Variants in FBLN1 observed in about 807,000 individuals in gnomAD.
FBLN1 encodes fibulin-1.
A neutral mutation model predicts 89.7 loss-of-function variants in FBLN1; 34 were observed. That is an observed-to-expected ratio of 0.38 (90% CI 0.29 to 0.50). The LOEUF (loss-of-function observed/expected upper bound fraction) is 0.50, where lower values mean the gene tolerates loss of function less well. Among genes scored for constraint, FBLN1 ranks in the 20% least tolerant of loss-of-function variants. The probability of loss-of-function intolerance (pLI) is 0.92; values close to 1 mark genes in which losing one functional copy is unlikely to be tolerated. For missense variants in FBLN1, 777 were observed against 988.1 expected (o/e 0.79, Z 2.86); for synonymous variants, 393 against 391.3 (o/e 1.00, Z -0.05).
intron 4 of FBLN1, 54 bp downstream of exon 4, chr22:45,528,063 G>T: frequency 1.9e-6 from 3 of 1,586,692 alleles, no homozygotes; most frequent in Non-Finnish European, 2.6e-6. Flanking sequence ...TCTCCGGGAT[G>T]TGTATATAGA....
At chr22:45,555,968 A>G (rs1223768848) in intron 14 of FBLN1, among the ~76,000 whole-genome samples, 3 of 152,334 alleles carry the variant, frequency 2.0e-5, no homozygotes, top group East Asian at 3.9e-4. Flanking sequence ...GTACAAGTGT[A>G]TACATGCACA....
Position 45,574,416 on chromosome 22 carries a change from C to A in FBLN1, c.1698-95C>A. On this transcript the variant is annotated intron_variant, in intron 14 of 16. Transcript: ENST00000327858. This position sits in a 1 kb window ranked among gnomAD's most constrained non-coding sequence, Gnocchi z 4.1. ...GCTGTCTCTGGGACAGATGCCCCTG[C>A]CCTGGCCACCTGCTCCTCCTCCCTA... 1 of 1,370,474 alleles carries A rather than the reference C, an allele frequency of 7.3e-7. No individual in the cohort carries two copies. The highest frequency in any genetic ancestry group is 1.0e-6 in the Non-Finnish European group (1 of 972,474). 84.9% of individuals were successfully genotyped at this position (1,370,474 alleles called of 1,614,324 possible). A position where few individuals can be genotyped will look rare whatever the true frequency, so the allele number is the denominator to read the frequency against.
In FBLN1 at chr22:45,580,106, C is replaced by T. The variant is rs1161730522; in HGVS notation, c.1972+2998C>T. ...AAAGGAGGGAGCTGAGTTAAATGAC[C>T]GCCTGAGACTGTGCAACTGAAAAAC... On this transcript the variant is annotated intron_variant, in intron 16 of 16. Coordinates refer to ENST00000327858, the MANE Select transcript of FBLN1 (RefSeq NM_006486.3). This position sits in a 1 kb window ranked among gnomAD's most constrained non-coding sequence, Gnocchi z 8.6. 6.6e-6 allele frequency among the ~76,000 whole-genome samples: 1 copy of T among 152,120 alleles called. No individual in the cohort carries two copies. The highest frequency in any genetic ancestry group is 1.5e-5 in the Non-Finnish European group (1 of 68,030).
In FBLN1 at chr22:45,532,137, A is replaced by G. The variant is rs977636208; in HGVS notation, c.544+813A>G. On this transcript the variant is annotated intron_variant, in intron 5 of 16. Coordinates refer to ENST00000327858, the MANE Select transcript of FBLN1 (RefSeq NM_006486.3). This position sits in a 1 kb window ranked among gnomAD's most constrained non-coding sequence, Gnocchi z 4.2. Reference sequence around the variant, plus strand: ...AGGGTGTTAATTAGGGGCCAGTTTAATTCTTAAATGATGCAGTCAGTGTAC... The same window carrying G: ...AGGGTGTTAATTAGGGGCCAGTTTAGTTCTTAAATGATGCAGTCAGTGTAC... 6.6e-5 allele frequency among the ~76,000 whole-genome samples: 10 copies of G among 152,102 alleles called. No homozygotes were observed. Among genetic ancestry groups the G allele is most frequent in the Admixed American group, 3.3e-4 (5 of 15,278 alleles).
rs762930458 is a variant in FBLN1 at position 45,574,505 on chromosome 22, C to T, written c.1698-6C>T. The T allele has an allele frequency of 2.9e-5, 47 of 1,614,108 alleles. 1 individual carries two copies. The highest frequency in any genetic ancestry group is 3.8e-5 in the Non-Finnish European group (45 of 1,180,026). ...CGTCAGCCTCGTGTGCTGTGGTTCCCCTCAGGCTCCAGCAGGAGAAGACAG... is the reference window on the plus strand; with the variant it reads ...CGTCAGCCTCGTGTGCTGTGGTTCCTCTCAGGCTCCAGCAGGAGAAGACAG... On this transcript the variant is annotated splice_polypyrimidine_tract_variant and splice_region_variant and intron_variant, in intron 14 of 16. Coordinates refer to ENST00000327858, the MANE Select transcript of FBLN1 (RefSeq NM_006486.3). The surrounding 1 kb of genome is among the most constrained non-coding windows in gnomAD (Gnocchi z 4.1).
At position 45,577,216 on chromosome 22, in the gene FBLN1, C is replaced by T; in HGVS notation, c.1972+108C>T. On this transcript the variant is annotated intron_variant, in intron 16 of 16. Transcript: ENST00000327858. This position sits in a 1 kb window ranked among gnomAD's most constrained non-coding sequence, Gnocchi z 6.6. ...TCTGAGTCCCCTCCCCAAATTCAAG[C>T]CCACCCAACCTTCAGGGCCCAGCGC... 3 of 1,306,888 alleles carry T rather than the reference C, an allele frequency of 2.3e-6. No homozygotes were observed. Among genetic ancestry groups the T allele is most frequent in the Non-Finnish European group, 3.2e-6 (3 of 925,344 alleles). The allele number at this position is 1,306,888 out of a possible 1,614,324, so 81.0% of individuals were successfully genotyped here. A position where few individuals can be genotyped will look rare whatever the true frequency, so the allele number is the denominator to read the frequency against.
intron 1 of FBLN1, among the ~76,000 whole-genome samples, chr22:45,510,654 C>A (rs1276157915): frequency 6.6e-6 from 1 of 152,104 alleles, no homozygotes; most frequent in Admixed American, 6.5e-5. Flanking sequence ...AAGCTTCCAC[C>A]CAAGGAGTGG....
chr22:45,591,646 G>A (rs529683693), intron 16 of FBLN1, among the ~76,000 whole-genome samples: 10 of 152,262 alleles, frequency 6.6e-5, no homozygotes, highest in African/African-American at 1.9e-4. Context: ...TCTCAGCCAA[G>A]CAGAGAAGAC....
chr22:45,598,908 C>A (rs772101632), intron 16 of FBLN1, among the ~76,000 whole-genome samples: 10 of 152,234 alleles, frequency 6.6e-5, no homozygotes, highest in Non-Finnish European at 1.3e-4. Flanking sequence ...GGGCCTCAGC[C>A]TCTCCGCAGT....
Position 45,530,565 on chromosome 22 carries a change from A to T in FBLN1, c.485-700A>T, listed in dbSNP as rs1307794266. Among the ~76,000 whole-genome samples the T allele has an allele frequency of 6.6e-6, 1 of 152,172 alleles. No individual in the cohort carries two copies. The highest frequency in any genetic ancestry group is 1.9e-4 in the East Asian group (1 of 5,186). On this transcript the variant is annotated intron_variant, in intron 4 of 16. Transcript: ENST00000327858. The surrounding 1 kb of genome is among the most constrained non-coding windows in gnomAD (Gnocchi z 5.4). ...ATGGAGAATAACCCTTTTCAAACACATAATAGCATTTGATAGAATCAATCA... is the reference window on the plus strand; with the variant it reads ...ATGGAGAATAACCCTTTTCAAACACTTAATAGCATTTGATAGAATCAATCA...
rs1431945941 is a variant in FBLN1, at chr22:45,531,514, C to T, written c.544+190C>T. Reference sequence around the variant, plus strand: ...TAGCCTGGGCAACAGAGCTGGACCCCGTCTCAAAAACAAAAAAACAAACAA... The same window carrying T: ...TAGCCTGGGCAACAGAGCTGGACCCTGTCTCAAAAACAAAAAAACAAACAA... On this transcript the variant is annotated intron_variant, in intron 5 of 16. Transcript: ENST00000327858. The surrounding 1 kb of genome is among the most constrained non-coding windows in gnomAD (Gnocchi z 4.9). Among the ~76,000 whole-genome samples the T allele has an allele frequency of 1.3e-5, 2 of 152,024 alleles. No individual in the cohort carries two copies. The highest frequency in any genetic ancestry group is 1.9e-4 in the East Asian group (1 of 5,200).
At position 45,550,639 on chromosome 22, in the gene FBLN1, C is replaced by T. The variant is rs1446310554; in HGVS notation, c.1697+24C>T. 5.6e-6 allele frequency: 9 copies of T among 1,613,860 alleles called. No individual in the cohort carries two copies. The East Asian group carries it at 1.1e-4, about 20-fold the overall frequency. ...ACGTAAGTCCCTTGGACCATGCCAT[C>T]GTCGTCTGTCTGTGTTGGCCTTCCT... On this transcript the variant is annotated intron_variant, in intron 14 of 16. Transcript: ENST00000327858. This position sits in a 1 kb window ranked among gnomAD's most constrained non-coding sequence, Gnocchi z 8.4.
In FBLN1 at chr22:45,562,879, CTCT is replaced by C. The variant is rs768092080; in HGVS notation, c.1698-11627_1698-11625del. The C allele has an allele frequency of 3.9e-5, 62 of 1,605,632 alleles. No homozygotes were observed. Among genetic ancestry groups the C allele is most frequent in the South Asian group, 3.6e-4 (33 of 90,980 alleles). ...TCCGCTTGCTGGACCGGCCCTAACC[CTCT>C]TCTTGTCTCTCTGCCCACTTTTCTT... On this transcript the variant is annotated intron_variant, in intron 14 of 16. Transcript: ENST00000327858. This position sits in a 1 kb window ranked among gnomAD's most constrained non-coding sequence, Gnocchi z 7.8.
At chr22:45,565,081 C>T in intron 14 of FBLN1, 6 of 1,598,002 alleles carry the variant, frequency 3.8e-6, no homozygotes, top group Non-Finnish European at 5.1e-6. Context: ...CCCTTTTCCC[C>T]ACGGCCCTTG....
intron 16 of FBLN1, among the ~76,000 whole-genome samples, chr22:45,585,960 G>A (rs975853921): frequency 6.6e-6 from 1 of 152,252 alleles, no homozygotes. Context: ...AGTCACCCCC[G>A]TCACAAAGCT....
Position 45,581,960 on chromosome 22 carries a change from C to T in FBLN1, c.1972+4852C>T, listed in dbSNP as rs1338601912. On this transcript the variant is annotated intron_variant, in intron 16 of 16. Transcript: ENST00000327858. This position sits in a 1 kb window ranked among gnomAD's most constrained non-coding sequence, Gnocchi z 7.6. ...TTGGTGGATGCTGTCCTGGGGACCA[C>T]GGGAGCCACGGGAGGTCTGTGCTGC... Among the ~76,000 whole-genome samples the T allele has an allele frequency of 3.3e-5, 5 of 152,156 alleles. No individual in the cohort carries two copies. Among genetic ancestry groups the T allele is most frequent in the Admixed American group, 6.5e-5 (1 of 15,288 alleles).
intron 16 of FBLN1, among the ~76,000 whole-genome samples, chr22:45,592,065 T>G (rs768031617): frequency 6.6e-6 from 1 of 152,190 alleles, no homozygotes; most frequent in Non-Finnish European, 1.5e-5. Context: ...ATCTGGGCTC[T>G]GAGGTCAGTC....
intron 2 of FBLN1, among the ~76,000 whole-genome samples, chr22:45,519,956 T>C (rs986753974): frequency 3.3e-5 from 5 of 152,044 alleles, no homozygotes; most frequent in African/African-American, 4.8e-5. Context: ...GATCACCTGA[T>C]GTCAGGAGTT....
chr22:45,567,344 G>A (rs1323152358), intron 14 of FBLN1, among the ~76,000 whole-genome samples: 2 of 152,218 alleles, frequency 1.3e-5, no homozygotes, highest in African/African-American at 2.4e-5. Context: ...GGCCAGGTGC[G>A]GTGGCTCATG....
Sources: allele counts gnomAD v4.1 joint callset (sites outside exome capture counted in the v4.1 genomes callset), GRCh38; gene constraint gnomAD v4.1.1; non-coding constraint Gnocchi (gnomAD v3.1); transcripts MANE v1.5; gene names NCBI Gene and HGNC (gene_info 2026-07-23, HGNC 2026-07-21).